Variants in PEX5L observed in about 807,000 individuals in gnomAD.
PEX5L encodes the protein peroxisomal biogenesis factor 5 like.
A neutral mutation model predicts 84.0 loss-of-function variants in PEX5L; 30 were observed. The observed-to-expected ratio is 0.36, with a 90% CI of 0.27 to 0.48. The LOEUF is 0.48. Ranked by LOEUF, PEX5L falls within the 20% of genes least tolerant of loss-of-function variation. PEX5L has a pLI of 0.99. For synonymous variants in PEX5L, 270 were observed against 283.1 expected (o/e 0.95, Z 0.46); for missense variants, 533 against 754.6 (o/e 0.71, Z 3.44).
intron 1 of PEX5L, among the ~76,000 whole-genome samples, chr3:180,026,892 C>T (rs546730543): frequency 8.5e-5 from 13 of 152,276 alleles, no homozygotes; most frequent in African/African-American, 3.1e-4. Context: ...TCTCTTTCTA[C>T]ATTTGGGAAA....
At chr3:180,026,441 A>G (rs1790967113) in intron 1 of PEX5L, among the ~76,000 whole-genome samples, 1 of 152,200 alleles carries the variant, frequency 6.6e-6, no homozygotes, top group Non-Finnish European at 1.5e-5. Context: ...TGAAACATGA[A>G]TGTGCCCAAT....
At position 179,924,174 on chromosome 3, in the gene PEX5L, C is replaced by G. The variant is rs1040605822; in HGVS notation, c.94-25928G>C. 2.0e-5 allele frequency among the ~76,000 whole-genome samples: 3 copies of G among 152,166 alleles called. No homozygotes were observed. In the South Asian group the frequency reaches 6.2e-4, roughly 31 times the overall value. On this transcript the variant is annotated intron_variant, in intron 2 of 14. Transcript: ENST00000467460. ...ACCTAGACCACTTCTGTGACATTTG[C>G]CTGAGACTTGAGATGAGATTTTGTT...
At chr3:179,858,225 C>T (rs1440921314) in intron 8 of PEX5L, among the ~76,000 whole-genome samples, 2 of 152,062 alleles carry the variant, frequency 1.3e-5, no homozygotes, top group African/African-American at 2.4e-5. Context: ...ATAATAGAAA[C>T]GGAGTTTCCA....
chr3:179,854,352 C>G (rs972154982), intron 8 of PEX5L, among the ~76,000 whole-genome samples: 1 of 151,942 alleles, frequency 6.6e-6, no homozygotes, highest in African/African-American at 2.4e-5. Context: ...TTTTAGGGCA[C>G]TTCAGCCAAA....
intron 2 of PEX5L, among the ~76,000 whole-genome samples, chr3:179,970,211 GA>G (rs1560981174): frequency 6.6e-6 from 1 of 152,106 alleles, no homozygotes; most frequent in Non-Finnish European, 1.5e-5. Context: ...TTTTATTAGA[GA>G]AATGTACACA....
intron 8 of PEX5L, among the ~76,000 whole-genome samples, chr3:179,822,242 C>T (rs1728781505): frequency 6.6e-6 from 1 of 152,076 alleles, no homozygotes; most frequent in South Asian, 2.1e-4. Context: ...TAGTGAGAGT[C>T]CTTGGAATTT....
rs532223569 is a variant in PEX5L, at chr3:179,808,257, G to A, written c.1518+15C>T. On this transcript the variant is annotated intron_variant, in intron 13 of 14. Coordinates refer to ENST00000467460, the MANE Select transcript of PEX5L (RefSeq NM_016559.3). ...AGAGAACGCTGTGGTTTCTTGCTGT[G>A]CTGTGCTGTCTTACCTCTGGCCGAA... 4 of 1,537,794 alleles carry A rather than the reference G, an allele frequency of 2.6e-6. No individual in the cohort carries two copies. Among genetic ancestry groups the A allele is most frequent in the African/African-American group, 2.8e-5 (2 of 72,096 alleles).
At chr3:179,920,731 A>G (rs1769059165) in intron 2 of PEX5L, among the ~76,000 whole-genome samples, 1 of 152,200 alleles carries the variant, frequency 6.6e-6, no homozygotes, top group Admixed American at 6.5e-5. Flanking sequence ...CTCCATAAGT[A>G]CAGAAGCCAT....
intron 2 of PEX5L, among the ~76,000 whole-genome samples, chr3:179,941,641 T>C (rs1371943660): frequency 6.6e-6 from 1 of 152,154 alleles, no homozygotes; most frequent in Non-Finnish European, 1.5e-5. Context: ...ACCCACAACA[T>C]TGATTAACCT....
rs1452756450 is a variant in PEX5L at position 179,800,208 on chromosome 3, C to T, written c.*1620G>A. ...GTGCACATTTACTCCTCAGTAGAAG[C>T]TTATTCCCCAGCCAATTAGACTGTT... On this transcript the variant is annotated 3_prime_UTR_variant, in exon 15 of 15. Transcript: ENST00000467460. 6.6e-6 allele frequency: 1 copy of T among 152,196 alleles called. No individual in the cohort carries two copies. Among genetic ancestry groups the T allele is most frequent in the African/African-American group, 2.4e-5 (1 of 41,426 alleles). 9.4% of individuals were successfully genotyped at this position (152,196 alleles called of 1,614,324 possible). A position where few individuals can be genotyped will look rare whatever the true frequency, so the allele number is the denominator to read the frequency against.
chr3:179,964,463 T>C (rs1782832255), intron 2 of PEX5L, among the ~76,000 whole-genome samples: 1 of 152,086 alleles, frequency 6.6e-6, no homozygotes, highest in Non-Finnish European at 1.5e-5. Flanking sequence ...CTAATTAAAC[T>C]AAAGAGCTTC....
chr3:179,817,675 A>T (rs1373599752), intron 9 of PEX5L, among the ~76,000 whole-genome samples: 3 of 152,342 alleles, frequency 2.0e-5, no homozygotes, highest in Non-Finnish European at 4.4e-5. Context: ...ATTGTCATAA[A>T]ATCTTTTAAA....
chr3:179,854,347 G>A (rs1743091775), intron 8 of PEX5L, among the ~76,000 whole-genome samples: 1 of 151,892 alleles, frequency 6.6e-6, no homozygotes, highest in Non-Finnish European at 1.5e-5. Flanking sequence ...ATGTATTTTA[G>A]GGCACTTCAG....
chr3:179,915,453 G>A (rs942567379), intron 2 of PEX5L, among the ~76,000 whole-genome samples: 8 of 152,142 alleles, frequency 5.3e-5, no homozygotes, highest in South Asian at 2.1e-4. Context: ...TAGTACATTC[G>A]TATTCAGTGA....
At chr3:179,924,490 C>T (rs1204223761) in intron 2 of PEX5L, among the ~76,000 whole-genome samples, 2 of 152,200 alleles carry the variant, frequency 1.3e-5, no homozygotes, top group African/African-American at 4.8e-5. Flanking sequence ...AATTCATACT[C>T]TTACCACGGC....
intron 1 of PEX5L, among the ~76,000 whole-genome samples, chr3:179,984,270 T>A (rs974535059): frequency 2.0e-5 from 3 of 152,114 alleles, no homozygotes; most frequent in African/African-American, 7.2e-5. Flanking sequence ...GAAGCAGATA[T>A]GATAGTCTAA....
intron 1 of PEX5L, among the ~76,000 whole-genome samples, chr3:179,975,536 A>G (rs6799526): frequency 0.39 from 59,621 of 152,112 alleles, 12,409 homozygotes; most frequent in East Asian, 0.75. Context: ...GTCAAAATAA[A>G]TATAAAGGTT....
chr3:180,021,160 G>A (rs1024123805), intron 1 of PEX5L, among the ~76,000 whole-genome samples: 3 of 152,178 alleles, frequency 2.0e-5, no homozygotes, highest in Non-Finnish European at 4.4e-5. Context: ...GATAAGCAAG[G>A]ATCGGCCAGG....
At chr3:180,003,639 C>A (rs1268361524) in intron 1 of PEX5L, among the ~76,000 whole-genome samples, 2 of 151,986 alleles carry the variant, frequency 1.3e-5, no homozygotes, top group Non-Finnish European at 2.9e-5. Flanking sequence ...GATTCAAGCT[C>A]AAGTATGATA....
Sources: allele counts gnomAD v4.1 joint callset (sites outside exome capture counted in the v4.1 genomes callset), GRCh38; gene constraint gnomAD v4.1.1; transcripts MANE v1.5; gene names NCBI Gene and HGNC (gene_info 2026-07-23, HGNC 2026-07-21).